The following PDE8A variants were observed in gnomAD, a reference collection of about 807,000 sequenced individuals.
PDE8A encodes high affinity cAMP-specific and IBMX-insensitive 3',5'-cyclic phosphodiesterase 8A.
A neutral mutation model predicts 105.0 loss-of-function variants in PDE8A; 59 were observed. The observed-to-expected ratio is 0.56, with a 90% CI of 0.46 to 0.70. The LOEUF is 0.70. PDE8A is among the 30% of genes least tolerant of loss of function. The probability of loss-of-function intolerance (pLI) is 0.00; values close to 1 mark genes in which losing one functional copy is unlikely to be tolerated. For missense variants in PDE8A, 1,014 were observed against 1,045.9 expected (o/e 0.97, Z 0.42); for synonymous variants, 355 against 371.9 (o/e 0.95, Z 0.52).
At chr15:84,987,267 C>T (rs975459715) in intron 1 of PDE8A, among the ~76,000 whole-genome samples, 4 of 152,088 alleles carry the variant, frequency 2.6e-5, no homozygotes, top group African/African-American at 9.7e-5. Flanking sequence ...TCATTGCCAC[C>T]ATAACTTTAA....
At chr15:85,084,891 C>T (rs550602668) in intron 6 of PDE8A, among the ~76,000 whole-genome samples, 6 of 151,584 alleles carry the variant, frequency 4.0e-5, no homozygotes, top group Non-Finnish European at 7.4e-5. Context: ...AATCCAGTCA[C>T]TGACCAAGTC....
intron 8 of PDE8A, among the ~76,000 whole-genome samples, chr15:85,096,027 C>T (rs775167228): frequency 6.6e-6 from 1 of 151,930 alleles, no homozygotes; most frequent in Non-Finnish European, 1.5e-5. Flanking sequence ...AGGCACATGC[C>T]ACTACACCCA....
chr15:84,981,688 G>A (rs1432313521), upstream of PDE8A, among the ~76,000 whole-genome samples: 4 of 150,848 alleles, frequency 2.7e-5, no homozygotes, highest in Non-Finnish European at 5.9e-5. Flanking sequence ...TCTGGAGCCG[G>A]GGAGGCGGCG....
intron 1 of PDE8A, among the ~76,000 whole-genome samples, chr15:84,991,494 A>G (rs926887953): frequency 6.6e-6 from 1 of 152,240 alleles, no homozygotes; most frequent in African/African-American, 2.4e-5. Context: ...GAACTGCTCA[A>G]CATTAAGTAG....
At chr15:85,117,355 A>C (rs2082111931) in intron 16 of PDE8A, among the ~76,000 whole-genome samples, 1 of 152,192 alleles carries the variant, frequency 6.6e-6, no homozygotes, top group Non-Finnish European at 1.5e-5. Context: ...CTGAACCTGG[A>C]AGGACAGAAT....
At chr15:85,048,199 G>A (rs925193716) in intron 1 of PDE8A, among the ~76,000 whole-genome samples, 2 of 151,930 alleles carry the variant, frequency 1.3e-5, no homozygotes, top group East Asian at 1.9e-4. Flanking sequence ...TTTTGTTGTC[G>A]CTTAAACTTA....
intron 1 of PDE8A, among the ~76,000 whole-genome samples, chr15:85,015,462 C>T (rs761131633): frequency 1.3e-5 from 2 of 152,148 alleles, no homozygotes; most frequent in African/African-American, 2.4e-5. Context: ...CCTGCCTCAG[C>T]CTCCCAAAGT....
intron 3 of PDE8A, among the ~76,000 whole-genome samples, chr15:85,071,546 C>G (rs1055277617): frequency 2.0e-5 from 3 of 152,208 alleles, no homozygotes; most frequent in Admixed American, 1.3e-4. Flanking sequence ...TGCATCAGTT[C>G]TCAGGTTCAG....
chr15:84,997,451 C>T (rs564871168), intron 1 of PDE8A, among the ~76,000 whole-genome samples: 74 of 152,238 alleles, frequency 4.9e-4, no homozygotes, highest in South Asian at 1.7e-3. Flanking sequence ...CCACTTTGGC[C>T]TCCCAAAGTG....
chr15:85,027,173 C>A (rs2141366428), intron 1 of PDE8A, among the ~76,000 whole-genome samples: 1 of 152,286 alleles, frequency 6.6e-6, no homozygotes, highest in Middle Eastern at 3.4e-3. Flanking sequence ...GTGGACCAGA[C>A]TTGGAGAGTC....
chr15:85,087,009 A>C (rs904568973), intron 6 of PDE8A, among the ~76,000 whole-genome samples: 1 of 149,222 alleles, frequency 6.7e-6, no homozygotes, highest in African/African-American at 2.5e-5. Context: ...CTAGGATTAC[A>C]GGTGTGAGCC....
chr15:85,076,293 T>G (rs559022665), intron 4 of PDE8A, among the ~76,000 whole-genome samples: 2 of 152,268 alleles, frequency 1.3e-5, no homozygotes, highest in South Asian at 2.1e-4. Context: ...AGAAATATAT[T>G]AGGAGAAGGG....
intron 8 of PDE8A, among the ~76,000 whole-genome samples, chr15:85,096,412 T>C (rs905329817): frequency 2.0e-5 from 3 of 152,076 alleles, no homozygotes; most frequent in African/African-American, 7.2e-5. Flanking sequence ...CAAGCCATGG[T>C]TGTGCCACTG....
At chr15:85,102,890 A>G (rs1046387911) in intron 11 of PDE8A, among the ~76,000 whole-genome samples, 12 of 151,214 alleles carry the variant, frequency 7.9e-5, no homozygotes, top group Non-Finnish European at 1.6e-4. Flanking sequence ...ACTATTATTT[A>G]TATTCCTTTA....
intron 6 of PDE8A, among the ~76,000 whole-genome samples, chr15:85,087,133 T>G (rs547199673): frequency 8.5e-5 from 13 of 152,286 alleles, no homozygotes; most frequent in African/African-American, 2.6e-4. Flanking sequence ...TGAGCTAATT[T>G]TTATTGGCTA....
intron 1 of PDE8A, 92 bp downstream of exon 1, chr15:84,982,440 C>A: frequency 1.3e-6 from 1 of 785,422 alleles, no homozygotes; most frequent in Non-Finnish European, 1.8e-6. Flanking sequence ...GTCCCCCCCA[C>A]CCGGCCTCGG....
intron 1 of PDE8A, among the ~76,000 whole-genome samples, chr15:85,007,106 G>T (rs1475838507): frequency 6.6e-6 from 1 of 152,160 alleles, no homozygotes; most frequent in African/African-American, 2.4e-5. Context: ...TTCGCAGAAT[G>T]TCCAGTAGCT....
chr15:85,126,886 A>T (rs1411531564), intron 20 of PDE8A, among the ~76,000 whole-genome samples: 1 of 152,204 alleles, frequency 6.6e-6, no homozygotes, highest in Non-Finnish European at 1.5e-5. Flanking sequence ...GAAAACAGTG[A>T]TTCTCATGTC....
At chr15:85,081,481 CG>C (rs1301503507) in intron 5 of PDE8A, among the ~76,000 whole-genome samples, 2 of 152,058 alleles carry the variant, frequency 1.3e-5, no homozygotes, top group Non-Finnish European at 2.9e-5. Flanking sequence ...AGGTCCTAGC[CG>C]TGGGTGTGAT....
Sources: allele counts gnomAD v4.1 joint callset (sites outside exome capture counted in the v4.1 genomes callset), GRCh38; gene constraint gnomAD v4.1.1; transcripts MANE v1.5; gene names NCBI Gene and HGNC (gene_info 2026-07-23, HGNC 2026-07-21).